The following UCKL1 variants were observed in gnomAD, a reference collection of about 807,000 sequenced individuals.
UCKL1 encodes uridine-cytidine kinase-like 1.
Under a neutral mutation model 59.2 loss-of-function variants are expected in UCKL1, and 65 were observed. That is an observed-to-expected ratio of 1.10 (90% CI 0.90 to 1.35). The LOEUF is 1.35. Ranked by LOEUF, UCKL1 falls within the 40% of genes most tolerant of loss-of-function variation. The pLI is 0.00. For missense variants in UCKL1, 703 were observed against 784.3 expected (o/e 0.90, Z 1.24); for synonymous variants, 410 against 323.1 (o/e 1.27, Z -2.88).
At chr20:63,942,478 A>G (rs1307450775) in intron 8 of UCKL1, 2 of 1,176,220 alleles carry the variant, frequency 1.7e-6, no homozygotes, top group African/African-American at 3.2e-5. Flanking sequence ...ACATATCCCA[A>G]CGTAGCTTCC....
chr20:63,951,122 G>A (rs1014246441), intron 1 of UCKL1: 18 of 1,117,622 alleles, frequency 1.6e-5, no homozygotes, highest in Non-Finnish European at 1.8e-5. Context: ...AGCCTCCACC[G>A]TACTGAGGGA....
chr20:63,944,133 G>A (rs573800282), intron 7 of UCKL1, among the ~76,000 whole-genome samples: 19 of 152,308 alleles, frequency 1.2e-4, no homozygotes, highest in African/African-American at 3.8e-4. Context: ...TGTGCTGAGC[G>A]GGCTGCACCC....
intron 1 of UCKL1, among the ~76,000 whole-genome samples, chr20:63,950,510 A>G (rs1317384410): frequency 6.6e-6 from 1 of 152,220 alleles, no homozygotes. Context: ...GCTTCTGGCC[A>G]CAACAACAAA....
intron 8 of UCKL1, 98 bp from the exon 9 acceptor site, chr20:63,941,306 C>T (rs2054323527): frequency 2.1e-6 from 3 of 1,445,186 alleles, no homozygotes; most frequent in South Asian, 2.8e-5. Context: ...GGGGAACACA[C>T]GGGCCAGGCA....
At chr20:63,951,496 C>A (rs1042134515) in intron 1 of UCKL1, among the ~76,000 whole-genome samples, 1 of 152,188 alleles carries the variant, frequency 6.6e-6, no homozygotes, top group African/African-American at 2.4e-5. Context: ...CTGAGCTGGG[C>A]ACCCCATCCC....
At chr20:63,941,597 G>C (rs983469002) in intron 8 of UCKL1, 4 of 245,284 alleles carry the variant, frequency 1.6e-5, no homozygotes, top group Admixed American at 5.4e-5. Flanking sequence ...GCCTCTCCCC[G>C]GGGGAACTAA....
intron 1 of UCKL1, chr20:63,951,059 C>T: frequency 1.6e-6 from 2 of 1,214,072 alleles, no homozygotes; most frequent in East Asian, 6.8e-5. Context: ...CCTTGGCTGG[C>T]AGAAGCTGCC....
intron 5 of UCKL1, among the ~76,000 whole-genome samples, 177 bp from the exon 6 acceptor site, chr20:63,944,911 G>A (rs2055734673): frequency 6.6e-6 from 1 of 152,118 alleles, no homozygotes; most frequent in South Asian, 2.1e-4. Flanking sequence ...CTGGTCCGTG[G>A]GCCTGGCCCG....
rs368190664 is a variant in UCKL1 at position 63,945,640 on chromosome 20, C to T, written c.654+11G>A. 7.9e-5 allele frequency: 127 copies of T among 1,612,386 alleles called. No individual in the cohort carries two copies. The highest frequency in any genetic ancestry group is 1.8e-4 in the South Asian group (16 of 91,064). Reference sequence around the variant, plus strand: ...ATACCAGCGGGGTGGGTATTCCCGGCGGGTGCTTACCTCCAACAGTGTCTT... The same window carrying T: ...ATACCAGCGGGGTGGGTATTCCCGGTGGGTGCTTACCTCCAACAGTGTCTT... On this transcript the variant is annotated intron_variant, in intron 5 of 14. Coordinates refer to ENST00000354216, the MANE Select transcript of UCKL1 (RefSeq NM_017859.4).
At chr20:63,948,645 T>C (rs1601239317) in intron 1 of UCKL1, among the ~76,000 whole-genome samples, 1 of 58,672 alleles carries the variant, frequency 1.7e-5, no homozygotes, top group African/African-American at 7.1e-5. Context: ...GGGGCGTGTG[T>C]GAGAGGGAGG....
At position 63,940,175 on chromosome 20, in the gene UCKL1, G is replaced by T. The variant is rs754956460; in HGVS notation, c.1542C>A (p.Asp514Glu). Residue 514 changes from aspartate (D) to glutamate (E), a missense_variant, in exon 14 of 15, where the codon GAC becomes GAA. Physicochemically the swap from Asp to Glu is conservative, Grantham distance 45. Around this residue, in one of 4 missense-constraint regions of UCKL1, gnomAD observed 124 missense variants for 161.1 expected, o/e 0.77. Transcript: ENST00000354216. ...ITTAVDKRVN[D>E]LFRIIPGIGN... ...CAATGCCTGGGATGATGCGGAAAAG[G>T]TCATTGACCCGCTTGTCCACCGCCG... is the stretch of plus-strand genomic sequence containing the variant. 19 of 1,612,770 alleles carry T rather than the reference G, an allele frequency of 1.2e-5. No homozygotes were observed. The highest frequency in any genetic ancestry group is 1.6e-5 in the Non-Finnish European group (19 of 1,180,002).
rs773806778 is a variant in UCKL1, at chr20:63,944,499, G to A, written c.845-41C>T. 2.2e-5 allele frequency: 35 copies of A among 1,585,850 alleles called. 1 individual carries two copies. Among genetic ancestry groups the A allele is most frequent in the Middle Eastern group, 3.4e-4 (2 of 5,956 alleles). On this transcript the variant is annotated intron_variant, in intron 6 of 14. Transcript: ENST00000354216. ...GGGGCGGGTGACCGGGGGCTGGGCC[G>A]TTGGCCTGCCCGACACCCACCCAAC...
chr20:63,948,584 T>TGTGAGAGGGAGGGGC (rs2056926586), intron 1 of UCKL1: 1 of 62,822 alleles, frequency 1.6e-5, no homozygotes, highest in Non-Finnish European at 3.2e-5. Context: ...AGGGGATGTG[T>TGTGAGAGGGAGGGGC]GTGAGAGGGA....
At chr20:63,953,161 C>T (rs1367175984) in intron 1 of UCKL1, among the ~76,000 whole-genome samples, 2 of 152,196 alleles carry the variant, frequency 1.3e-5, no homozygotes, top group Non-Finnish European at 2.9e-5. Context: ...AGGTGGATCA[C>T]CTGAGGTTGG....
At chr20:63,951,108 T>A (rs546960492) in intron 1 of UCKL1, 42 of 1,164,144 alleles carry the variant, frequency 3.6e-5, no homozygotes, top group Non-Finnish European at 8.5e-6. Context: ...TAGGAGGCCC[T>A]TGAAGCCTCC....
At position 63,942,786 on chromosome 20, in the gene UCKL1, A is replaced by G. The variant is rs1478960230; in HGVS notation, c.923+867T>C. 5 of 456,488 alleles carry G rather than the reference A, an allele frequency of 1.1e-5. No homozygotes were observed. In the East Asian group the frequency reaches 3.6e-4, roughly 33 times the overall value. The allele number at this position is 456,488 out of a possible 1,614,324, so 28.3% of individuals were successfully genotyped here. A position where few individuals can be genotyped will look rare whatever the true frequency, so the allele number is the denominator to read the frequency against. ...CGTTCAGGTGTTTTTCCAAGTTTGAAACCCTGGAAAGTTTTTCCTCTCAGA... is the reference window on the plus strand; with the variant it reads ...CGTTCAGGTGTTTTTCCAAGTTTGAGACCCTGGAAAGTTTTTCCTCTCAGA... On this transcript the variant is annotated intron_variant, in intron 8 of 14. Transcript: ENST00000354216.
Position 63,945,822 on chromosome 20 carries a change from T to C in UCKL1, c.565A>G (p.Ser189Gly), listed in dbSNP as rs760032278. The change falls in exon 4 of 15, where the codon AGC becomes GGC. Residue 189 changes from serine to glycine, a missense_variant. Transcript: ENST00000354216. ...KVPIYDFTTH[S>G]RKKDWKTLYG... ...TGGCCTACCCAGTCCTTCTTCCGGC[T>C]GTGCGTGGTGAAGTCATAAATGGGC... The C allele has an allele frequency of 6.2e-7, 1 of 1,613,620 alleles. No individual in the cohort carries two copies. The highest frequency in any genetic ancestry group is 1.7e-5 in the Admixed American group (1 of 60,002).
At position 63,946,439 on chromosome 20, in the gene UCKL1, C is replaced by G. The variant is rs3818840; in HGVS notation, c.304+14G>C. ...GGCGTCCGGCAGCAGGTCCCACCCCCCCGCTGCTCTCACCGATGGCGAAGG... is the reference window on the plus strand; with the variant it reads ...GGCGTCCGGCAGCAGGTCCCACCCCGCCGCTGCTCTCACCGATGGCGAAGG... On this transcript the variant is annotated intron_variant, in intron 2 of 14. Transcript: ENST00000354216. 1.3e-3 allele frequency: 1,997 copies of G among 1,536,514 alleles called. 30 individuals carry two copies. In the East Asian group the frequency reaches 0.02, roughly 16 times the overall value.
In UCKL1 at chr20:63,940,852, C is replaced by G. The variant is rs2054182876; in HGVS notation, c.1121G>C (p.Cys374Ser). The stretch of plus-strand genomic sequence containing the variant: ...CTGCCCCTGCGGGGTCTGTACGACG[C>G]AGTCCTGTGGGGTGCAGGGTGAGGA... ...HALSFLPFQD[C>S]VVQTPQGQDY... The change falls in exon 11 of 15, where the codon TGC becomes TCC. Residue 374 changes from cysteine to serine, a missense_variant. By Grantham distance (112) the Cys-to-Ser change is moderately radical. Transcript: ENST00000354216. The G allele has an allele frequency of 2.6e-6, 4 of 1,548,180 alleles. No homozygotes were observed. Among genetic ancestry groups the G allele is most frequent in the Non-Finnish European group, 3.5e-6 (4 of 1,146,398 alleles).
Sources: gnomAD v4.1 joint callset for allele counts (sites outside exome capture counted in the v4.1 genomes callset) on GRCh38, gnomAD v4.1.1 for gene constraint, gnomAD v4.1.1 regional missense constraint, MANE v1.5 for transcripts, NCBI Gene and HGNC (gene_info 2026-07-23, HGNC 2026-07-21) for gene names.